The following NSD1 variants were observed in gnomAD, a reference collection of about 807,000 sequenced individuals.
NSD1 encodes nuclear receptor binding SET domain protein 1.
A neutral mutation model predicts 242.7 loss-of-function variants in NSD1; 26 were observed. The ratio of observed to expected loss-of-function variants is 0.11; its 90% CI spans 0.08 to 0.15. The LOEUF is 0.15. NSD1 is among the 10% of genes least tolerant of loss of function. NSD1 has a pLI of 1.00. For synonymous variants in NSD1, 1,106 were observed against 1,178.1 expected (o/e 0.94, Z 1.25); for missense variants, 2,495 against 3,272.8 (o/e 0.76, Z 5.80).
chr5:177,174,523 T>C (rs575811296), intron 2 of NSD1, among the ~76,000 whole-genome samples: 1 of 150,258 alleles, frequency 6.7e-6, no homozygotes, highest in Admixed American at 6.6e-5. Context: ...CCAGAAGTTA[T>C]TATATAATCA....
intron 5 of NSD1, among the ~76,000 whole-genome samples, chr5:177,221,506 C>G (rs1169157023): frequency 6.6e-6 from 1 of 151,798 alleles, no homozygotes; most frequent in African/African-American, 2.4e-5. Flanking sequence ...GAGTCTTGCT[C>G]TGTTGCCCAG....
intron 2 of NSD1, among the ~76,000 whole-genome samples, chr5:177,189,655 A>ATG (rs1761511939): frequency 6.6e-6 from 1 of 152,196 alleles, no homozygotes. Flanking sequence ...ATGGGTAATA[A>ATG]TGTGTTTACT....
rs1417667748 is a variant in NSD1 at position 177,209,549 on chromosome 5, T to TA, written c.1237-77dup. ...GTCTCAAAAAAAAAAAAAAAAGGAA[T>TA]AAAAAAAAAAGCTTCTGATTTCATC... is the stretch of plus-strand genomic sequence containing the variant. On this transcript the variant is annotated intron_variant, in intron 4 of 22. Transcript: ENST00000439151. The TA allele has an allele frequency of 3.9e-3, 2,847 of 722,312 alleles. 4 individuals carry two copies. The highest frequency in any genetic ancestry group is 0.027 in the East Asian group (840 of 30,996). The allele number at this position is 722,312 out of a possible 1,614,324, so 44.7% of individuals were successfully genotyped here. A position where few individuals can be genotyped will look rare whatever the true frequency, so the allele number is the denominator to read the frequency against.
chr5:177,225,212 G>A lies in NSD1; in HGVS notation c.3797-10609G>A, dbSNP rs1302213255. Among the ~76,000 whole-genome samples the A allele has an allele frequency of 3.3e-5, 5 of 151,526 alleles. No individual in the cohort carries two copies. In the South Asian group the frequency reaches 6.3e-4, roughly 19 times the overall value. On this transcript the variant is annotated intron_variant, in intron 5 of 22. Coordinates refer to ENST00000439151, the MANE Select transcript of NSD1 (RefSeq NM_022455.5). The stretch of plus-strand genomic sequence containing the variant: ...GCCCAGGCTTCAGTGGTGTGATCTC[G>A]GCTCACTGCATCCTCTGCCTCCCGG...
intron 3 of NSD1, among the ~76,000 whole-genome samples, chr5:177,203,186 T>C (rs1762630570): frequency 6.6e-6 from 1 of 152,214 alleles, no homozygotes; most frequent in Non-Finnish European, 1.5e-5. Flanking sequence ...TTTCCTTTTA[T>C]TAAAAGTGAC....
chr5:177,225,383 T>TCCAC (rs1562230715), intron 5 of NSD1, among the ~76,000 whole-genome samples: 1 of 152,160 alleles, frequency 6.6e-6, no homozygotes. Flanking sequence ...TCTCAAGTAA[T>TCCAC]CTGCCTGTCT....
intron 12 of NSD1, among the ~76,000 whole-genome samples, chr5:177,256,060 A>G (rs561225220): frequency 1.6e-4 from 24 of 152,144 alleles, no homozygotes; most frequent in African/African-American, 5.5e-4. Flanking sequence ...TGTGTCATCT[A>G]CCAGCCAGTT....
intron 2 of NSD1, among the ~76,000 whole-genome samples, chr5:177,187,005 A>G (rs1235256810): frequency 1.3e-5 from 2 of 152,122 alleles, no homozygotes; most frequent in African/African-American, 4.8e-5. Context: ...CTTTGCAAAC[A>G]AATTCTAGCC....
At chr5:177,254,762 C>T (rs1433605065) in intron 12 of NSD1, among the ~76,000 whole-genome samples, 1 of 145,350 alleles carries the variant, frequency 6.9e-6, no homozygotes, top group African/African-American at 2.6e-5. Flanking sequence ...TTTAGTTTCA[C>T]ATTTCACTAT....
intron 2 of NSD1, chr5:177,137,019 G>A: frequency 1.9e-6 from 1 of 533,012 alleles, no homozygotes; most frequent in Non-Finnish European, 3.4e-6. Context: ...GTATAGAAAT[G>A]GAGAGTATCT....
intron 14 of NSD1, chr5:177,266,105 G>T (rs1266489715): frequency 5.3e-6 from 6 of 1,123,976 alleles, no homozygotes; most frequent in East Asian, 2.4e-5. Context: ...ATACAGTGTG[G>T]CCCGTTCTGG....
rs67232874 is a variant in NSD1, at chr5:177,159,895, A to AT, written c.927+23878dup. ...TGAACCACTGCACCCGGCCGAATATATTTTTTTTTTTTTAAATGGAGTCTC... is the reference window on the plus strand; with the variant it reads ...TGAACCACTGCACCCGGCCGAATATATTTTTTTTTTTTTTAAATGGAGTCTC... On this transcript the variant is annotated intron_variant, in intron 2 of 22. Coordinates refer to ENST00000439151, the MANE Select transcript of NSD1 (RefSeq NM_022455.5). Among the ~76,000 whole-genome samples, 666 of 139,044 alleles carry AT rather than the reference A, an allele frequency of 4.8e-3. 3 individuals carry two copies. The highest frequency in any genetic ancestry group is 7.3e-3 in the Non-Finnish European group (461 of 63,432). 91.2% of individuals were successfully genotyped at this position (139,044 alleles called of 152,430 possible).
At position 177,134,081 on chromosome 5, in the gene NSD1, TTGG is replaced by T. The variant is rs1329672450; in HGVS notation, c.-18+133_-18+135del. ...GGGGAGGGCCAGGCGCGATGCGGGG[TTGG>T]TGGCCGGCGGCGCTGCAGCCGCCGG... is the stretch of plus-strand genomic sequence containing the variant. On this transcript the variant is annotated intron_variant, in intron 1 of 22. Coordinates refer to ENST00000439151, the MANE Select transcript of NSD1 (RefSeq NM_022455.5). The surrounding 1 kb of genome is among the most constrained non-coding windows in gnomAD (Gnocchi z 4.2). 1.3e-5 allele frequency: 2 copies of T among 148,596 alleles called. No homozygotes were observed. The highest frequency in any genetic ancestry group is 2.5e-5 in the African/African-American group (1 of 40,030). The allele number at this position is 148,596 out of a possible 1,614,324, so 9.2% of individuals were successfully genotyped here.
chr5:177,281,767 C>T (rs886554048), intron 18 of NSD1, among the ~76,000 whole-genome samples: 2 of 152,196 alleles, frequency 1.3e-5, no homozygotes, highest in African/African-American at 4.8e-5. Flanking sequence ...ATCCTCCCAT[C>T]TCAGCCTCCT....
At position 177,269,784 on chromosome 5, in the gene NSD1, G is replaced by A. The variant is rs1212136893; in HGVS notation, c.5486G>A (p.Gly1829Glu). The change falls in exon 16 of 23, where the codon GGA becomes GAA. Residue 1829 changes from glycine (G) to glutamate (E), a missense_variant. Gly to Glu is a moderately conservative substitution (Grantham distance 98, BLOSUM62 -2). Coordinates refer to ENST00000439151, the MANE Select transcript of NSD1 (RefSeq NM_022455.5). This position sits in a 1 kb window ranked among gnomAD's most constrained non-coding sequence, Gnocchi z 5.1. The stretch of plus-strand genomic sequence containing the variant: ...AGCAGCAAGGATAAGATGGGCAAAG[G>A]AGTGGATGGGACATATAAAAAAGGT... ...DVSSKDKMGK[G>E]VDGTYKKALQ... 6.2e-7 allele frequency: 1 copy of A among 1,613,876 alleles called. No individual in the cohort carries two copies. The highest frequency in any genetic ancestry group is 8.5e-7 in the Non-Finnish European group (1 of 1,179,920).
chr5:177,181,913 GAGGCCC>G (rs1760721898), intron 2 of NSD1, among the ~76,000 whole-genome samples: 1 of 151,850 alleles, frequency 6.6e-6, no homozygotes, highest in Admixed American at 6.6e-5. Flanking sequence ...AGCACTTTGG[GAGGCCC>G]AGGTGGGCGG....
chr5:177,136,463 T>G, intron 2 of NSD1: 1 of 184,994 alleles, frequency 5.4e-6, no homozygotes, highest in East Asian at 1.3e-4. Flanking sequence ...TACTTCAGGT[T>G]GAAGGGCATT....
intron 13 of NSD1, among the ~76,000 whole-genome samples, chr5:177,259,780 C>G (rs148259237): frequency 6.6e-6 from 1 of 152,124 alleles, no homozygotes; most frequent in Non-Finnish European, 1.5e-5. Flanking sequence ...CTGACAGTTA[C>G]GGGATTTGAT....
In NSD1 at chr5:177,211,366, C is replaced by T. The variant is rs1180477927; in HGVS notation, c.2967C>T (p.Gly989=). The T allele has an allele frequency of 1.5e-5, 24 of 1,613,974 alleles. No individual in the cohort carries two copies. The highest frequency in any genetic ancestry group is 1.8e-5 in the Non-Finnish European group (21 of 1,180,024). The change falls in exon 5 of 23, where the codon GGC becomes GGT. Residue 989 remains glycine, a synonymous_variant. Transcript: ENST00000439151. ...GTGGGGGTGACTCTGCATTATCTGG[C>T]GAGTTGTCTGCTTCCCTACCTGGCT... ...SPSGGDSALS[G]ELSASLPGLL... is the part of the protein sequence containing the mutation.
Sources: allele counts gnomAD v4.1 joint callset (sites outside exome capture counted in the v4.1 genomes callset), GRCh38; gene constraint gnomAD v4.1.1; non-coding constraint Gnocchi (gnomAD v3.1); transcripts MANE v1.5; gene names NCBI Gene and HGNC (gene_info 2026-07-23, HGNC 2026-07-21).